The following PIEZO2 variants were observed in gnomAD, a reference collection of about 807,000 sequenced individuals.
PIEZO2 encodes the protein piezo type mechanosensitive ion channel component 2.
In PIEZO2, 172 loss-of-function variants were observed where a neutral mutation model predicts 337.3. That is an observed-to-expected ratio of 0.51 (90% CI 0.45 to 0.58). The LOEUF is 0.58. Among genes scored for constraint, PIEZO2 ranks in the 20% least tolerant of loss-of-function variants. The pLI, the probability that PIEZO2 is intolerant of heterozygous loss-of-function variation, is 0.00. For missense variants in PIEZO2, 3,028 were observed against 3,391.3 expected, an observed-to-expected ratio of 0.89 and a Z score of 2.66; for synonymous variants, 1,251 against 1,228.5, an observed-to-expected ratio of 1.02 and a Z score of -0.38.
intron 2 of PIEZO2, among the ~76,000 whole-genome samples, chr18:11,015,774 C>G (rs1459642383): frequency 6.6e-6 from 1 of 152,070 alleles, no homozygotes; most frequent in Non-Finnish European, 1.5e-5. Flanking sequence ...GCATAGTGCT[C>G]TATGGTAGAC....
chr18:10,756,694 G>A (rs1402964102), intron 27 of PIEZO2, among the ~76,000 whole-genome samples: 1 of 150,160 alleles, frequency 6.7e-6, no homozygotes, highest in Non-Finnish European at 1.5e-5. Context: ...AGGATGAGAA[G>A]GAGAAATGGA....
intron 2 of PIEZO2, among the ~76,000 whole-genome samples, chr18:11,011,931 T>C (rs902500924): frequency 1.1e-4 from 17 of 152,190 alleles, no homozygotes; most frequent in African/African-American, 3.9e-4. Context: ...CAGCGAGCTA[T>C]GATCACATAA....
chr18:11,108,374 G>A, intron 1 of PIEZO2, among the ~76,000 whole-genome samples: 1 of 152,118 alleles, frequency 6.6e-6, no homozygotes, highest in Admixed American at 6.5e-5. Flanking sequence ...CCAGCACTTT[G>A]GGAGGCCGAG....
chr18:10,856,155 T>A lies in PIEZO2; in HGVS notation c.704-589A>T, dbSNP rs2041698819. Among the ~76,000 whole-genome samples, 1 of 152,186 alleles carries A rather than the reference T, an allele frequency of 6.6e-6. No homozygotes were observed. The highest frequency in any genetic ancestry group is 6.5e-5 in the Admixed American group (1 of 15,272). ...GCTAAGTGATCTTCCCTCCTTGGCC[T>A]TCCAAAGGGCTCGGATTACAGGCAT... On this transcript the variant is annotated intron_variant, in intron 6 of 55. Coordinates refer to ENST00000674853, the MANE Select transcript of PIEZO2 (RefSeq NM_001378183.1). This position sits in a 1 kb window ranked among gnomAD's most constrained non-coding sequence, Gnocchi z 4.7.
rs1017974607 is a variant in PIEZO2, at chr18:11,126,474, C to A, written c.64+22051G>T. On this transcript the variant is annotated intron_variant, in intron 1 of 55. Transcript: ENST00000674853. The surrounding 1 kb of genome is among the most constrained non-coding windows in gnomAD (Gnocchi z 4.6). ...CACAGTCCTCTTCCCACCTTTAGTG[C>A]CAGTTTCTTGGTCATCTCCCGCCAT... Among the ~76,000 whole-genome samples, 7 of 152,116 alleles carry A rather than the reference C, an allele frequency of 4.6e-5. No individual in the cohort carries two copies. The highest frequency in any genetic ancestry group is 1.0e-4 in the Non-Finnish European group (7 of 68,024).
At position 10,871,262 on chromosome 18, in the gene PIEZO2, A is replaced by G. The variant is rs552683235; in HGVS notation, c.483T>C (p.Asn161=). 7.8e-6 allele frequency: 12 copies of G among 1,536,158 alleles called. No individual in the cohort carries two copies. In the South Asian group the frequency reaches 1.1e-4, roughly 14 times the overall value. Reference sequence around the variant, plus strand: ...ATGGAGTTGGATTTACCAATTCTTCATTTTCAAACTCCGGGTTACTCTGTG... The same window carrying G: ...ATGGAGTTGGATTTACCAATTCTTCGTTTTCAAACTCCGGGTTACTCTGTG... ...EAAQSNPEFE[N]EELAEGEKID... Residue 161 remains asparagine (N), a synonymous_variant, in exon 5 of 56, where the codon AAT becomes AAC. Coordinates refer to ENST00000674853, the MANE Select transcript of PIEZO2 (RefSeq NM_001378183.1).
intron 4 of PIEZO2, among the ~76,000 whole-genome samples, chr18:10,901,428 A>ATG (rs1555672405): frequency 1.1e-4 from 10 of 88,244 alleles, no homozygotes; most frequent in African/African-American, 1.9e-4. Flanking sequence ...ACACACACAC[A>ATG]CGCACACACA....
rs1047248573 is a variant in PIEZO2, at chr18:11,131,487, G to A, written c.64+17038C>T. Among the ~76,000 whole-genome samples, 9 of 152,204 alleles carry A rather than the reference G, an allele frequency of 5.9e-5. No homozygotes were observed. The highest frequency in any genetic ancestry group is 2.2e-4 in the African/African-American group (9 of 41,456). On this transcript the variant is annotated intron_variant, in intron 1 of 55. Transcript: ENST00000674853. This position sits in a 1 kb window ranked among gnomAD's most constrained non-coding sequence, Gnocchi z 5.3. Reference sequence around the variant, plus strand: ...GTTCTGCACGATATGTAGGCACCATGTGAACATGGACAGCTGCAGCACTAC... The same window carrying A: ...GTTCTGCACGATATGTAGGCACCATATGAACATGGACAGCTGCAGCACTAC...
chr18:11,117,629 G>T (rs2039927312), intron 1 of PIEZO2, among the ~76,000 whole-genome samples: 1 of 152,204 alleles, frequency 6.6e-6, no homozygotes, highest in Non-Finnish European at 1.5e-5. Context: ...CAAAGCCTAA[G>T]AATTTAAACA....
rs1187292534 is a variant in PIEZO2, at chr18:11,125,044, G to A, written c.64+23481C>T. ...AATAAAAGTTAGATAATTTTTCTGAGTTTCTATTTTCTCATGTAAAACCTT... is the reference window on the plus strand; with the variant it reads ...AATAAAAGTTAGATAATTTTTCTGAATTTCTATTTTCTCATGTAAAACCTT... On this transcript the variant is annotated intron_variant, in intron 1 of 55. Transcript: ENST00000674853. The surrounding 1 kb of genome is among the most constrained non-coding windows in gnomAD (Gnocchi z 4.4). Among the ~76,000 whole-genome samples the A allele has an allele frequency of 3.3e-5, 5 of 152,044 alleles. No individual in the cohort carries two copies. The highest frequency in any genetic ancestry group is 1.2e-4 in the African/African-American group (5 of 41,412).
intron 3 of PIEZO2, among the ~76,000 whole-genome samples, chr18:10,967,676 AT>A (rs1207712311): frequency 6.6e-6 from 1 of 152,064 alleles, no homozygotes; most frequent in Non-Finnish European, 1.5e-5. Flanking sequence ...TTTGATTTGC[AT>A]TTCACTGATA....
Position 10,954,504 on chromosome 18 carries a change from C to T in PIEZO2, c.286+25031G>A, listed in dbSNP as rs1006392203. Among the ~76,000 whole-genome samples, 3 of 152,082 alleles carry T rather than the reference C, an allele frequency of 2.0e-5. No individual in the cohort carries two copies. Among genetic ancestry groups the T allele is most frequent in the Admixed American group, 1.3e-4 (2 of 15,272 alleles). ...TTATTTTGGTATGTTGATCTTGCATCCTGTGATGTTGACTTTTTGAAATAT... is the reference window on the plus strand; with the variant it reads ...TTATTTTGGTATGTTGATCTTGCATTCTGTGATGTTGACTTTTTGAAATAT... On this transcript the variant is annotated intron_variant, in intron 3 of 55. Coordinates refer to ENST00000674853, the MANE Select transcript of PIEZO2 (RefSeq NM_001378183.1). The surrounding 1 kb of genome is among the most constrained non-coding windows in gnomAD (Gnocchi z 4.2).
intron 3 of PIEZO2, among the ~76,000 whole-genome samples, chr18:10,948,905 A>G (rs1369294668): frequency 6.6e-6 from 1 of 152,178 alleles, no homozygotes; most frequent in Admixed American, 6.5e-5. Context: ...TCATAACAAT[A>G]TATGTGAGGG....
At chr18:10,717,543 G>A (rs4797472) in intron 37 of PIEZO2, among the ~76,000 whole-genome samples, 29,052 of 152,264 alleles carry the variant, frequency 0.19, 3,091 homozygotes, top group South Asian at 0.29. Flanking sequence ...GGCATGATTA[G>A]AGAGGGCTAG....
chr18:10,763,403 C>T, intron 21 of PIEZO2: 1 of 294,046 alleles, frequency 3.4e-6, no homozygotes, highest in Non-Finnish European at 6.3e-6. Flanking sequence ...GGTCCTTGGT[C>T]CAATGTGGAG....
At position 10,846,279 on chromosome 18, in the gene PIEZO2, C is replaced by G. The variant is rs1683374; in HGVS notation, c.917+9074G>C. 0.38 allele frequency among the ~76,000 whole-genome samples: 57,510 copies of G among 152,036 alleles called. 12,225 individuals are homozygous for G. The highest frequency in any genetic ancestry group is 0.45 in the Non-Finnish European group (30,882 of 67,956). ...CAGGCAAAGAGAGAGCTCATGCAGGCAAACTCCCGTTTTTTAAAACCATCA... is the reference window on the plus strand; with the variant it reads ...CAGGCAAAGAGAGAGCTCATGCAGGGAAACTCCCGTTTTTTAAAACCATCA... On this transcript the variant is annotated intron_variant, in intron 7 of 55. Coordinates refer to ENST00000674853, the MANE Select transcript of PIEZO2 (RefSeq NM_001378183.1). The surrounding 1 kb of genome is among the most constrained non-coding windows in gnomAD (Gnocchi z 4.1).
chr18:10,705,518 C>CTCCA lies in PIEZO2; in HGVS notation c.5813_5816dup (p.Glu1939AspfsTer53). ...CAGCCTTGCTGTAGGAGGGTGGGGC[C>CTCCA]TCCACATCCCCGTCCAAGGTGGAGA... On this transcript the variant is annotated frameshift_variant, in exon 41 of 56. Coordinates refer to ENST00000674853, the MANE Select transcript of PIEZO2 (RefSeq NM_001378183.1). LOFTEE classifies it high-confidence loss of function. The CTCCA allele has an allele frequency of 6.5e-7, 1 of 1,537,252 alleles. No individual in the cohort carries two copies. Among genetic ancestry groups the CTCCA allele is most frequent in the Non-Finnish European group, 8.7e-7 (1 of 1,146,898 alleles).
intron 35 of PIEZO2, 114 bp from the exon 36 acceptor site, chr18:10,731,635 A>T: frequency 1.9e-6 from 1 of 535,706 alleles, no homozygotes; most frequent in Non-Finnish European, 3.0e-6. Flanking sequence ...CAAACTAAAC[A>T]TCCCGGGCTA....
At chr18:10,990,931 C>G (rs2035066644) in intron 2 of PIEZO2, among the ~76,000 whole-genome samples, 1 of 151,522 alleles carries the variant, frequency 6.6e-6, no homozygotes, top group African/African-American at 2.4e-5. Flanking sequence ...ATTTGCAAGC[C>G]TGTTCATGAA....
Sources: allele counts gnomAD v4.1 joint callset (sites outside exome capture counted in the v4.1 genomes callset), GRCh38; gene constraint gnomAD v4.1.1; non-coding constraint Gnocchi (gnomAD v3.1); transcripts MANE v1.5; gene names NCBI Gene and HGNC (gene_info 2026-07-23, HGNC 2026-07-21).